PDGFC: variants seen among roughly 807,000 people sequenced by gnomAD.
The protein encoded by PDGFC is platelet derived growth factor C.
In PDGFC, 12 loss-of-function variants were observed where a neutral mutation model predicts 35.5. The observed-to-expected ratio is 0.34, with a 90% confidence interval of 0.22 to 0.55. The LOEUF is 0.55. PDGFC is among the 20% of genes least tolerant of loss of function. PDGFC has a pLI of 0.91. For synonymous variants in PDGFC, 159 were observed against 148.8 expected (o/e 1.07, Z -0.50); for missense variants, 322 against 412.4 (o/e 0.78, Z 1.90).
intron 2 of PDGFC, among the ~76,000 whole-genome samples, chr4:156,847,335 C>A (rs72974695): frequency 2.5e-4 from 38 of 151,846 alleles, no homozygotes; most frequent in African/African-American, 9.2e-4. Context: ...GGGCATATCA[C>A]CTATTTGGAA....
intron 2 of PDGFC, among the ~76,000 whole-genome samples, chr4:156,839,463 CT>C (rs1427530614): frequency 6.6e-6 from 1 of 152,212 alleles, no homozygotes; most frequent in Non-Finnish European, 1.5e-5. Flanking sequence ...CCCAGCCCTG[CT>C]GAACTGTGAG....
chr4:156,889,899 T>G (rs189592513), intron 1 of PDGFC, among the ~76,000 whole-genome samples: 1 of 152,288 alleles, frequency 6.6e-6, no homozygotes, highest in Admixed American at 6.5e-5. Flanking sequence ...GCATAGTGAA[T>G]AAAAAAATGT....
At chr4:156,835,152 T>A (rs1166627735) in intron 2 of PDGFC, among the ~76,000 whole-genome samples, 2 of 151,748 alleles carry the variant, frequency 1.3e-5, no homozygotes, top group South Asian at 2.1e-4. Context: ...ACAAATAGAG[T>A]TTATCAGCAG....
chr4:156,862,523 C>T (rs761136710), intron 1 of PDGFC, among the ~76,000 whole-genome samples: 2 of 151,986 alleles, frequency 1.3e-5, no homozygotes, highest in African/African-American at 2.4e-5. Flanking sequence ...AAGGCAAAGT[C>T]AAAGTTTTAA....
intron 3 of PDGFC, among the ~76,000 whole-genome samples, chr4:156,797,555 A>G (rs1299245464): frequency 6.6e-6 from 1 of 152,230 alleles, no homozygotes; most frequent in East Asian, 1.9e-4. Context: ...CTGGAAGAAG[A>G]AGAACTTTCT....
intron 1 of PDGFC, among the ~76,000 whole-genome samples, chr4:156,900,709 T>C (rs947998318): frequency 6.6e-5 from 10 of 152,010 alleles, no homozygotes; most frequent in African/African-American, 2.4e-4. Context: ...CTGGGCATGG[T>C]AGCACATGCC....
chr4:156,918,506 G>C (rs1421570281), intron 1 of PDGFC, among the ~76,000 whole-genome samples: 1 of 152,160 alleles, frequency 6.6e-6, no homozygotes, highest in Non-Finnish European at 1.5e-5. Flanking sequence ...TAGGAACTGG[G>C]CCACACAGCA....
intron 3 of PDGFC, among the ~76,000 whole-genome samples, chr4:156,776,101 G>T (rs1299238467): frequency 6.6e-6 from 1 of 151,850 alleles, no homozygotes; most frequent in African/African-American, 2.4e-5. Flanking sequence ...GAGAAAGGGG[G>T]GAGCAATGAA....
intron 1 of PDGFC, among the ~76,000 whole-genome samples, chr4:156,884,187 T>A (rs1022896546): frequency 6.6e-6 from 1 of 152,176 alleles, no homozygotes; most frequent in African/African-American, 2.4e-5. Flanking sequence ...CTTTTCCTAT[T>A]TGGGAAGGGC....
chr4:156,885,229 C>T (rs918516415), intron 1 of PDGFC, among the ~76,000 whole-genome samples: 5 of 152,032 alleles, frequency 3.3e-5, no homozygotes, highest in African/African-American at 9.7e-5. Context: ...ACAGTTTAGC[C>T]TCAGTTCTAC....
intron 5 of PDGFC, 41 bp downstream of exon 5, chr4:156,767,731 TA>T: frequency 7.8e-7 from 1 of 1,274,268 alleles, no homozygotes; most frequent in Non-Finnish European, 1.1e-6. Context: ...TTCTAAGACA[TA>T]AAATACCCGA....
chr4:156,936,486 C>A (rs557646239), intron 1 of PDGFC, among the ~76,000 whole-genome samples: 1 of 152,264 alleles, frequency 6.6e-6, no homozygotes, highest in South Asian at 2.1e-4. Flanking sequence ...CAGTTTTTTA[C>A]CCTTTCTCTG....
intron 1 of PDGFC, among the ~76,000 whole-genome samples, chr4:156,913,875 G>T (rs1359994057): frequency 6.6e-6 from 1 of 152,070 alleles, no homozygotes; most frequent in Non-Finnish European, 1.5e-5. Flanking sequence ...CTTTTATCAG[G>T]TGCCCTTTGC....
chr4:156,877,885 C>T (rs900837888), intron 1 of PDGFC, among the ~76,000 whole-genome samples: 3 of 152,114 alleles, frequency 2.0e-5, no homozygotes, highest in Non-Finnish European at 4.4e-5. Context: ...ATGTCATCTC[C>T]CTGATCTACC....
At chr4:156,911,604 T>C (rs946565971) in intron 1 of PDGFC, among the ~76,000 whole-genome samples, 1 of 152,126 alleles carries the variant, frequency 6.6e-6, no homozygotes, top group African/African-American at 2.4e-5. Flanking sequence ...AAAAAACCTC[T>C]AAGTGTTATA....
intron 3 of PDGFC, among the ~76,000 whole-genome samples, chr4:156,794,643 T>G (rs1157720676): frequency 6.6e-6 from 1 of 152,108 alleles, no homozygotes; most frequent in Admixed American, 6.6e-5. Context: ...TCTATTTATA[T>G]ACCTTCATCT....
At chr4:156,917,499 T>C (rs1418499455) in intron 1 of PDGFC, among the ~76,000 whole-genome samples, 1 of 152,196 alleles carries the variant, frequency 6.6e-6, no homozygotes, top group African/African-American at 2.4e-5. Context: ...AGCAACAGCC[T>C]TACCAGTAAG....
At chr4:156,870,370 A>T (rs1729950955) in intron 1 of PDGFC, among the ~76,000 whole-genome samples, 1 of 152,152 alleles carries the variant, frequency 6.6e-6, no homozygotes, top group African/African-American at 2.4e-5. Flanking sequence ...TTCAAAACAG[A>T]CAATATTTCA....
rs1192959037 is a variant in PDGFC, at chr4:156,762,637, A to T, written c.*453T>A. The T allele has an allele frequency of 6.5e-6, 1 of 153,140 alleles. No individual in the cohort carries two copies. The highest frequency in any genetic ancestry group is 1.5e-5 in the Non-Finnish European group (1 of 68,606). The allele number at this position is 153,140 out of a possible 1,614,324, so 9.5% of individuals were successfully genotyped here. On this transcript the variant is annotated 3_prime_UTR_variant, in exon 6 of 6. Coordinates refer to ENST00000502773, the MANE Select transcript of PDGFC (RefSeq NM_016205.3). ...ATGTGAATATGAGCAAAAAAAAAAA[A>T]AAAAATCCAGATTTTATACGATTTT...
Sources: gnomAD v4.1 joint callset for allele counts (sites outside exome capture counted in the v4.1 genomes callset) on GRCh38, gnomAD v4.1.1 for gene constraint, MANE v1.5 for transcripts, NCBI Gene and HGNC (gene_info 2026-07-23, HGNC 2026-07-21) for gene names.